The following MTUS2 variants were observed in gnomAD, a reference collection of about 807,000 sequenced individuals.
MTUS2 encodes microtubule associated scaffold protein 2.
In MTUS2, 40 loss-of-function variants were observed where a neutral mutation model predicts 114.1. The observed-to-expected ratio is 0.35, with a 90% CI of 0.27 to 0.46. The LOEUF (loss-of-function observed/expected upper bound fraction) is 0.46, where lower values mean the gene tolerates loss of function less well. Ranked by LOEUF, MTUS2 falls within the 20% of genes least tolerant of loss-of-function variation. The pLI is 1.00. For synonymous variants in MTUS2, 688 were observed against 672.0 expected, an observed-to-expected ratio of 1.02 and a Z score of -0.37; for missense variants, 1,679 against 1,705.4, an observed-to-expected ratio of 0.98 and a Z score of 0.27.
intron 5 of MTUS2, among the ~76,000 whole-genome samples, chr13:29,232,037 A>G (rs1344482851): frequency 6.6e-6 from 1 of 152,184 alleles, no homozygotes; most frequent in Non-Finnish European, 1.5e-5. Context: ...GGTAATTTAC[A>G]TTTGGCCTAA....
chr13:29,376,328 G>C (rs999441088), intron 8 of MTUS2, among the ~76,000 whole-genome samples: 1 of 152,120 alleles, frequency 6.6e-6, no homozygotes, highest in Non-Finnish European at 1.5e-5. Context: ...ACATCCACTT[G>C]TGGTGGTTAG....
rs961846271 is a variant in MTUS2, at chr13:29,269,665, A to C, written c.2645-12039A>C. Among the ~76,000 whole-genome samples the C allele has an allele frequency of 2.0e-5, 3 of 152,186 alleles. No homozygotes were observed. In the East Asian group the frequency reaches 5.8e-4, roughly 29 times the overall value. On this transcript the variant is annotated intron_variant, in intron 5 of 15. Transcript: ENST00000612955. ...AAACAGTTCACTGGTTCCTTGAAAAATTAACACTAGAACTACCATATGACC... is the reference window on the plus strand; with the variant it reads ...AAACAGTTCACTGGTTCCTTGAAAACTTAACACTAGAACTACCATATGACC...
At chr13:29,469,471 C>CA (rs1474674536) in intron 9 of MTUS2, among the ~76,000 whole-genome samples, 5 of 151,760 alleles carry the variant, frequency 3.3e-5, no homozygotes, top group Non-Finnish European at 7.4e-5. Flanking sequence ...ACTAAAAATA[C>CA]AAAAAATTAG....
intron 3 of MTUS2, among the ~76,000 whole-genome samples, chr13:29,029,321 G>T (rs571301434): frequency 8.5e-5 from 13 of 152,346 alleles, no homozygotes; most frequent in African/African-American, 2.9e-4. Flanking sequence ...TCTGTGCCCT[G>T]CAATGAGAAC....
intron 5 of MTUS2, among the ~76,000 whole-genome samples, chr13:29,207,087 C>T (rs1310384485): frequency 1.3e-5 from 2 of 152,006 alleles, no homozygotes; most frequent in African/African-American, 4.8e-5. Flanking sequence ...TTTTTTTCGG[C>T]AGTGTTTTAT....
At chr13:29,389,749 A>G (rs1289428813) in intron 8 of MTUS2, among the ~76,000 whole-genome samples, 1 of 32,826 alleles carries the variant, frequency 3.0e-5, no homozygotes, top group African/African-American at 8.2e-5. Context: ...GTATATACAT[A>G]CATATGTGTG....
chr13:29,376,664 C>T, intron 8 of MTUS2, among the ~76,000 whole-genome samples: 1 of 152,052 alleles, frequency 6.6e-6, no homozygotes, highest in East Asian at 1.9e-4. Context: ...GCAACACAGC[C>T]ACATTCATTA....
Position 29,025,863 on chromosome 13 carries a change from C to A in MTUS2, c.1165C>A (p.Gln389Lys), listed in dbSNP as rs1400732802. 1.2e-6 allele frequency: 2 copies of A among 1,613,100 alleles called. No homozygotes were observed. Among genetic ancestry groups the A allele is most frequent in the African/African-American group, 2.7e-5 (2 of 74,898 alleles). Residue 389 changes from glutamine (Q) to lysine (K), a missense_variant, in exon 3 of 16, where the codon CAG (glutamine) becomes AAG (lysine). By Grantham distance (53) the Gln-to-Lys change is moderately conservative. Coordinates refer to ENST00000612955, the MANE Select transcript of MTUS2 (RefSeq NM_001033602.4). ...GAAGAGAGGAGTCAACCCAGGGGAG[C>A]AGGATTCTCTCCACACCACCCCCAA... The part of the protein sequence containing the change: ...EEKRGVNPGE[Q>K]DSLHTTPKQG...
At chr13:28,947,984 G>A (rs1376831283) in intron 2 of MTUS2, among the ~76,000 whole-genome samples, 2 of 152,112 alleles carry the variant, frequency 1.3e-5, no homozygotes, top group Non-Finnish European at 2.9e-5. Flanking sequence ...TGTTGTTTAT[G>A]CTTTGAAGGA....
intron 5 of MTUS2, among the ~76,000 whole-genome samples, chr13:29,168,519 C>T (rs916803190): frequency 6.6e-6 from 1 of 152,156 alleles, no homozygotes; most frequent in African/African-American, 2.4e-5. Flanking sequence ...TAACTAACAA[C>T]TACAGTGTCA....
chr13:28,885,399 A>G (rs1878535715), intron 2 of MTUS2, among the ~76,000 whole-genome samples: 1 of 152,222 alleles, frequency 6.6e-6, no homozygotes, highest in Non-Finnish European at 1.5e-5. Flanking sequence ...CTGTTCTGCA[A>G]CTACTGTTGT....
chr13:29,331,500 C>T (rs1203428314), intron 7 of MTUS2, among the ~76,000 whole-genome samples: 1 of 152,114 alleles, frequency 6.6e-6, no homozygotes, highest in African/African-American at 2.4e-5. Flanking sequence ...AGCCACATAG[C>T]CAAGACAATC....
chr13:29,314,664 A>G (rs904006155), intron 6 of MTUS2, among the ~76,000 whole-genome samples: 2 of 152,222 alleles, frequency 1.3e-5, no homozygotes, highest in African/African-American at 2.4e-5. Context: ...TGTGGAAGTG[A>G]TGAGTATGAA....
At chr13:29,495,021 C>G (rs564140846) in intron 12 of MTUS2, among the ~76,000 whole-genome samples, 1 of 151,312 alleles carries the variant, frequency 6.6e-6, no homozygotes, top group East Asian at 2.0e-4. Context: ...CCTGTCTCTA[C>G]CAAAAATACA....
intron 2 of MTUS2, among the ~76,000 whole-genome samples, chr13:28,877,159 C>CA (rs970916273): frequency 1.3e-4 from 19 of 144,816 alleles, no homozygotes; most frequent in East Asian, 2.0e-4. Flanking sequence ...CAAAAAAATA[C>CA]AAAAAAAAAT....
At chr13:29,336,150 C>T (rs527726874) in intron 7 of MTUS2, among the ~76,000 whole-genome samples, 92 of 152,276 alleles carry the variant, frequency 6.0e-4, no homozygotes, top group Non-Finnish European at 1.2e-3. Context: ...GTCAGTTCGT[C>T]GAACTCATTC....
intron 5 of MTUS2, among the ~76,000 whole-genome samples, chr13:29,256,442 C>T (rs1371358952): frequency 6.6e-6 from 1 of 152,178 alleles, no homozygotes; most frequent in Non-Finnish European, 1.5e-5. Flanking sequence ...GCCAGAGGGG[C>T]CACAGAGAGG....
Position 28,821,953 on chromosome 13 carries a change from A to G in MTUS2, c.-316+1342A>G, listed in dbSNP as rs191907981. 9.8e-5 allele frequency among the ~76,000 whole-genome samples: 15 copies of G among 152,352 alleles called. No individual in the cohort carries two copies. The East Asian group carries it at 2.5e-3, about 25-fold the overall frequency. The stretch of plus-strand genomic sequence containing the variant: ...TTATTAGGGACCCATAATTCCATGT[A>G]GAATACTTACGGGAATCTTAAGTGA... On this transcript the variant is annotated intron_variant, in intron 1 of 15. Coordinates refer to ENST00000612955, the MANE Select transcript of MTUS2 (RefSeq NM_001033602.4).
At chr13:29,307,519 T>A in intron 6 of MTUS2, 1 of 1,260,422 alleles carries the variant, frequency 7.9e-7, no homozygotes. Context: ...TCTGACCTGC[T>A]GTCTTGAAAA....
Sources: allele counts gnomAD v4.1 joint callset (sites outside exome capture counted in the v4.1 genomes callset), GRCh38; gene constraint gnomAD v4.1.1; transcripts MANE v1.5; gene names NCBI Gene and HGNC (gene_info 2026-07-23, HGNC 2026-07-21).